The following DDR2 variants were observed in gnomAD, a reference collection of about 807,000 sequenced individuals.
The protein encoded by DDR2 is discoidin domain receptor tyrosine kinase 2.
In DDR2, 27 loss-of-function variants were observed where a neutral mutation model predicts 94.9. The ratio of observed to expected loss-of-function variants is 0.28; its 90% confidence interval spans 0.21 to 0.39. The LOEUF (loss-of-function observed/expected upper bound fraction) is 0.39, where lower values mean the gene tolerates loss of function less well. DDR2 is among the 10% of genes least tolerant of loss of function. The probability of loss-of-function intolerance (pLI) is 1.00; values close to 1 mark genes in which losing one functional copy is unlikely to be tolerated. For missense variants in DDR2, 783 were observed against 1,076.0 expected, an observed-to-expected ratio of 0.73 and a Z score of 3.81; for synonymous variants, 382 against 377.2, an observed-to-expected ratio of 1.01 and a Z score of -0.15.
intron 1 of DDR2, among the ~76,000 whole-genome samples, chr1:162,633,555 C>T (rs774007825): frequency 2.6e-5 from 4 of 152,232 alleles, no homozygotes; most frequent in Admixed American, 6.5e-5. Flanking sequence ...TCAAGTCCCA[C>T]AGCACATCTG....
chr1:162,696,183 T>C (rs1055620391), intron 2 of DDR2, among the ~76,000 whole-genome samples: 14 of 148,864 alleles, frequency 9.4e-5, no homozygotes, highest in African/African-American at 3.2e-4. Flanking sequence ...TGGAAATGTT[T>C]TAAATGTTTC....
chr1:162,653,290 T>C (rs766942315), intron 1 of DDR2, among the ~76,000 whole-genome samples: 2 of 151,988 alleles, frequency 1.3e-5, no homozygotes, highest in Admixed American at 6.6e-5. Context: ...AGAAAATTGT[T>C]TGGGGGCCGG....
intron 9 of DDR2, among the ~76,000 whole-genome samples, chr1:162,763,529 C>T (rs1469561275): frequency 1.3e-5 from 2 of 151,864 alleles, no homozygotes; most frequent in African/African-American, 2.4e-5. Context: ...GGGCTCTTTG[C>T]TCTTTTGATC....
intron 2 of DDR2, among the ~76,000 whole-genome samples, chr1:162,701,329 G>A (rs917636973): frequency 6.6e-6 from 1 of 152,224 alleles, no homozygotes; most frequent in Non-Finnish European, 1.5e-5. Flanking sequence ...GGGCCAGATG[G>A]CATTTGCAGT....
intron 1 of DDR2, among the ~76,000 whole-genome samples, chr1:162,633,483 G>T (rs902026473): frequency 2.0e-5 from 3 of 152,172 alleles, no homozygotes; most frequent in Non-Finnish European, 4.4e-5. Context: ...AGGGCCTTAG[G>T]CCTCTCATCT....
chr1:162,761,492 G>A, intron 9 of DDR2, 38 bp downstream of exon 9: 1 of 1,614,012 alleles, frequency 6.2e-7, no homozygotes, highest in East Asian at 2.2e-5. Context: ...GTGGGAGCAA[G>A]GTGATGAAGG....
chr1:162,701,291 C>T (rs1177532856), intron 2 of DDR2, among the ~76,000 whole-genome samples: 2 of 152,212 alleles, frequency 1.3e-5, no homozygotes, highest in East Asian at 3.8e-4. Flanking sequence ...AGAGGATAGC[C>T]TGATATCCTA....
At chr1:162,652,300 A>G (rs1657735783) in intron 1 of DDR2, among the ~76,000 whole-genome samples, 1 of 152,152 alleles carries the variant, frequency 6.6e-6, no homozygotes, top group South Asian at 2.1e-4. Context: ...CACACTGACC[A>G]TGTAATTTTG....
intron 1 of DDR2, among the ~76,000 whole-genome samples, chr1:162,642,780 C>T (rs1657204054): frequency 6.6e-6 from 1 of 152,098 alleles, no homozygotes; most frequent in South Asian, 2.1e-4. Context: ...TAACCTTTCC[C>T]TCTCTCACTG....
At chr1:162,672,529 T>C (rs1234868425) in intron 2 of DDR2, among the ~76,000 whole-genome samples, 2 of 152,188 alleles carry the variant, frequency 1.3e-5, no homozygotes, top group Non-Finnish European at 2.9e-5. Context: ...CTATATGTTA[T>C]ATATTTAAAC....
In DDR2 at chr1:162,780,144, C is replaced by T; in HGVS notation, c.2466C>T (p.Asp822=). ...TYLPQPAICP[D]SVYKLMLSCW... Reference sequence around the variant, plus strand: ...TCCCTCAACCAGCCATTTGTCCTGACTCTGTGTATAAGCTGATGCTCAGCT... The same window carrying T: ...TCCCTCAACCAGCCATTTGTCCTGATTCTGTGTATAAGCTGATGCTCAGCT... The change falls in exon 18 of 18, where the codon GAC becomes GAT. Residue 822 remains aspartate (D), a synonymous_variant. Transcript: ENST00000367921. 6.2e-7 allele frequency: 1 copy of T among 1,613,986 alleles called. No homozygotes were observed.
intron 7 of DDR2, 149 bp downstream of exon 7, chr1:162,755,918 T>G: frequency 6.3e-5 from 45 of 717,176 alleles, no homozygotes; most frequent in Non-Finnish European, 7.5e-5. Context: ...GATGAAGGAA[T>G]ACACATGACC....
At chr1:162,723,935 G>C (rs781141044) in intron 3 of DDR2, among the ~76,000 whole-genome samples, 1 of 152,148 alleles carries the variant, frequency 6.6e-6, no homozygotes, top group Non-Finnish European at 1.5e-5. Context: ...AGGAGAGGAC[G>C]AGCTTTTCTC....
At chr1:162,713,755 C>T (rs889158280) in intron 2 of DDR2, among the ~76,000 whole-genome samples, 4 of 152,012 alleles carry the variant, frequency 2.6e-5, no homozygotes, top group African/African-American at 9.7e-5. Flanking sequence ...TACTGGTAGA[C>T]ATTTTTCTAA....
chr1:162,771,261 G>A (rs71639949), intron 12 of DDR2, among the ~76,000 whole-genome samples: 8 of 152,254 alleles, frequency 5.3e-5, no homozygotes, highest in African/African-American at 1.2e-4. Flanking sequence ...CAACCTGAGG[G>A]ACCCGAGTCA....
chr1:162,727,523 AAT>A (rs990656336), intron 3 of DDR2, among the ~76,000 whole-genome samples: 2 of 146,906 alleles, frequency 1.4e-5, no homozygotes, highest in Non-Finnish European at 1.5e-5. Context: ...TAAATAAATA[AAT>A]AAATAAAAAT....
intron 3 of DDR2, among the ~76,000 whole-genome samples, chr1:162,721,183 T>C (rs1661404138): frequency 6.6e-6 from 1 of 152,200 alleles, no homozygotes; most frequent in Non-Finnish European, 1.5e-5. Flanking sequence ...AGCATAGTCA[T>C]GGAGACTGGC....
chr1:162,773,744 C>T (rs1451773092), intron 14 of DDR2, 148 bp downstream of exon 14: 21 of 1,092,220 alleles, frequency 1.9e-5, no homozygotes, highest in South Asian at 1.4e-4. Context: ...TTTCTTATTC[C>T]GATGGGGTCG....
intron 17 of DDR2, among the ~76,000 whole-genome samples, chr1:162,779,906 A>G (rs892855554): frequency 2.0e-5 from 3 of 152,176 alleles, no homozygotes; most frequent in African/African-American, 7.2e-5. Flanking sequence ...TGCAGAAGAC[A>G]AATGGAACAG....
Sources: gnomAD v4.1 joint callset for allele counts (sites outside exome capture counted in the v4.1 genomes callset) on GRCh38, gnomAD v4.1.1 for gene constraint, MANE v1.5 for transcripts, NCBI Gene and HGNC (gene_info 2026-07-23, HGNC 2026-07-21) for gene names.